The following CYSLTR2 variants were observed in gnomAD, a reference collection of about 807,000 sequenced individuals.
CYSLTR2 encodes the protein cysteinyl leukotriene receptor 2.
For missense variants in CYSLTR2, 398 were observed against 411.9 expected, an observed-to-expected ratio of 0.97 and a Z score of 0.29; for synonymous variants, 179 against 160.8, an observed-to-expected ratio of 1.11 and a Z score of -0.86.
intron 1 of CYSLTR2, among the ~76,000 whole-genome samples, chr13:48,672,233 GC>G (rs1490842593): frequency 3.3e-5 from 5 of 151,962 alleles, no homozygotes; most frequent in African/African-American, 1.2e-4. Context: ...CAAAAACGCA[GC>G]TTTTGAATTC....
chr13:48,664,655 T>G (rs796663033), intron 1 of CYSLTR2, among the ~76,000 whole-genome samples: 20 of 152,190 alleles, frequency 1.3e-4, no homozygotes, highest in African/African-American at 4.6e-4. Flanking sequence ...TCCTTTGTAT[T>G]TCTGTGGGAT....
At chr13:48,656,714 A>G (rs1953007055) in intron 1 of CYSLTR2, among the ~76,000 whole-genome samples, 1 of 152,120 alleles carries the variant, frequency 6.6e-6, no homozygotes, top group Admixed American at 6.5e-5. Flanking sequence ...AGAATCAAAG[A>G]TCCTTTCTGC....
intron 3 of CYSLTR2, among the ~76,000 whole-genome samples, chr13:48,695,391 T>TTCTTTCCC (rs71076042): frequency 7.2e-6 from 1 of 138,730 alleles, no homozygotes; most frequent in Non-Finnish European, 1.5e-5. Flanking sequence ...CTTTCTTTCT[T>TTCTTTCCC]TCTCTCTCTC....
intron 4 of CYSLTR2, among the ~76,000 whole-genome samples, chr13:48,700,197 C>G (rs928013046): frequency 6.6e-6 from 1 of 151,788 alleles, no homozygotes; most frequent in Non-Finnish European, 1.5e-5. Context: ...GATACCAAAG[C>G]CTGGCAGAGA....
chr13:48,661,835 T>G (rs1195511802), intron 1 of CYSLTR2, among the ~76,000 whole-genome samples: 1 of 152,222 alleles, frequency 6.6e-6, no homozygotes, highest in African/African-American at 2.4e-5. Context: ...TCTCAAATAT[T>G]TATCATTTCC....
At chr13:48,688,107 G>A (rs1414176140) in intron 1 of CYSLTR2, among the ~76,000 whole-genome samples, 1 of 152,062 alleles carries the variant, frequency 6.6e-6, no homozygotes. Flanking sequence ...AGGCTTGTGA[G>A]GACCTCAGCA....
chr13:48,704,756 T>A (rs1954438928), intron 4 of CYSLTR2, among the ~76,000 whole-genome samples: 1 of 152,226 alleles, frequency 6.6e-6, no homozygotes, highest in African/African-American at 2.4e-5. Context: ...GGGTTTCCTG[T>A]TATCTTGCTG....
chr13:48,685,544 T>G (rs1050451909), intron 1 of CYSLTR2, among the ~76,000 whole-genome samples: 6 of 152,188 alleles, frequency 3.9e-5, no homozygotes, highest in African/African-American at 1.4e-4. Context: ...TTTGTTAAGA[T>G]AGCCCTAGGA....
intron 1 of CYSLTR2, among the ~76,000 whole-genome samples, chr13:48,677,051 G>A (rs1357260224): frequency 2.0e-5 from 3 of 152,138 alleles, no homozygotes; most frequent in African/African-American, 4.8e-5. Flanking sequence ...TCCACAATAG[G>A]GTAAAGGTGA....
intron 4 of CYSLTR2, among the ~76,000 whole-genome samples, chr13:48,702,355 A>G (rs537076661): frequency 1.3e-5 from 2 of 152,312 alleles, no homozygotes; most frequent in South Asian, 4.1e-4. Flanking sequence ...ACATGTATAC[A>G]TATGTAACAA....
At chr13:48,699,245 A>G (rs1954277454) in intron 4 of CYSLTR2, among the ~76,000 whole-genome samples, 1 of 152,226 alleles carries the variant, frequency 6.6e-6, no homozygotes, top group Non-Finnish European at 1.5e-5. Context: ...CATCACACTT[A>G]TTCCAAAGTT....
In CYSLTR2 at chr13:48,671,093, G is replaced by A. The variant is rs990795307; in HGVS notation, c.-266+17076G>A. 7.9e-5 allele frequency among the ~76,000 whole-genome samples: 12 copies of A among 152,286 alleles called. No individual in the cohort carries two copies. The East Asian group carries it at 2.3e-3, about 29-fold the overall frequency. On this transcript the variant is annotated intron_variant, in intron 1 of 4. Transcript: ENST00000682523. ...GGCTCTCTGTTTGTCTATTATTTGG[G>A]TGTAGGAATGCTTGTGATTTTTGCA...
At chr13:48,698,861 G>C (rs796493385) in intron 4 of CYSLTR2, among the ~76,000 whole-genome samples, 7 of 152,196 alleles carry the variant, frequency 4.6e-5, no homozygotes, top group African/African-American at 1.7e-4. Flanking sequence ...AAAAAAGCAG[G>C]GGTTGCAATC....
chr13:48,654,251 T>TGTGTGTGTG lies in CYSLTR2; in HGVS notation c.-266+234_-266+235insGTGTGTGTG. On this transcript the variant is annotated intron_variant, in intron 1 of 4. Transcript: ENST00000682523. ...TATTGATATTTTGGGGATCGTCCCT[T>TGTGTGTGTG]TGTGTGTGTGTGTGTGTGTGTGTGT... 1.5e-5 allele frequency among the ~76,000 whole-genome samples: 2 copies of TGTGTGTGTG among 129,208 alleles called. 1 individual carries two copies. Among genetic ancestry groups the TGTGTGTGTG allele is most frequent in the South Asian group, 5.5e-4 (2 of 3,666 alleles). The allele number at this position is 129,208 out of a possible 152,430, so 84.8% of individuals were successfully genotyped here. A position where few individuals can be genotyped will look rare whatever the true frequency, so the allele number is the denominator to read the frequency against.
chr13:48,707,539 C>T lies in CYSLTR2; in HGVS notation c.722C>T (p.Ser241Phe). ...VEVPESGLRVSHRKALTTIII... is the reference protein window; with the variant it reads ...VEVPESGLRVFHRKALTTIII... Reference sequence around the variant, plus strand: ...GTCCCAGAATCGGGGCTGCGGGTTTCTCACAGGAAGGCACTGACCACCATC... The same window carrying T: ...GTCCCAGAATCGGGGCTGCGGGTTTTTCACAGGAAGGCACTGACCACCATC... The change falls in exon 5 of 5, where the codon TCT becomes TTT. Residue 241 changes from serine (S) to phenylalanine (F), a missense_variant. Transcript: ENST00000682523. 1 of 1,608,710 alleles carries T rather than the reference C, an allele frequency of 6.2e-7. No individual in the cohort carries two copies. The highest frequency in any genetic ancestry group is 8.5e-7 in the Non-Finnish European group (1 of 1,179,996).
chr13:48,684,056 C>G (rs780425195), intron 1 of CYSLTR2, among the ~76,000 whole-genome samples: 10 of 152,148 alleles, frequency 6.6e-5, no homozygotes, highest in Non-Finnish European at 1.2e-4. Context: ...GTAGCCAGGA[C>G]TATAGGTGCA....
intron 1 of CYSLTR2, among the ~76,000 whole-genome samples, chr13:48,683,051 A>T (rs1953799607): frequency 6.6e-6 from 1 of 152,154 alleles, no homozygotes; most frequent in Non-Finnish European, 1.5e-5. Context: ...CCTGCAAAGG[A>T]CACGATCTCA....
intron 1 of CYSLTR2, among the ~76,000 whole-genome samples, chr13:48,664,657 C>A (rs983278641): frequency 2.6e-5 from 4 of 151,912 alleles, no homozygotes; most frequent in Non-Finnish European, 5.9e-5. Context: ...CTTTGTATTT[C>A]TGTGGGATCT....
chr13:48,686,824 A>G (rs1209144675), intron 1 of CYSLTR2, among the ~76,000 whole-genome samples: 1 of 152,206 alleles, frequency 6.6e-6, no homozygotes, highest in East Asian at 1.9e-4. Context: ...TTTAGATGAT[A>G]CTTTCCAGCT....
Sources: allele counts gnomAD v4.1 joint callset (sites outside exome capture counted in the v4.1 genomes callset), GRCh38; gene constraint gnomAD v4.1.1; transcripts MANE v1.5; gene names NCBI Gene and HGNC (gene_info 2026-07-23, HGNC 2026-07-21).